CAMTA2: variants seen among roughly 807,000 people sequenced by gnomAD.
The protein encoded by CAMTA2 is calmodulin binding transcription activator 2.
In CAMTA2, 56 loss-of-function variants were observed where a neutral mutation model predicts 135.7. The observed-to-expected ratio is 0.41, with a 90% CI of 0.33 to 0.52. The LOEUF (loss-of-function observed/expected upper bound fraction) is 0.52. CAMTA2 is among the 20% of genes least tolerant of loss of function. The probability of loss-of-function intolerance (pLI) is 0.16; values close to 1 mark genes in which losing one functional copy is unlikely to be tolerated. For synonymous variants in CAMTA2, 591 were observed against 604.6 expected (o/e 0.98, Z 0.33); for missense variants, 1,358 against 1,553.4 (o/e 0.87, Z 2.11).
At position 4,972,303 on chromosome 17, in the gene CAMTA2, G is replaced by A. The variant is rs1053449625; in HGVS notation, c.2737C>T (p.Leu913Phe). 2 of 1,613,834 alleles carry A rather than the reference G, an allele frequency of 1.2e-6. No homozygotes were observed. Among genetic ancestry groups the A allele is most frequent in the Non-Finnish European group, 1.7e-6 (2 of 1,179,940 alleles). Residue 913 changes from leucine (L) to phenylalanine (F), a missense_variant, in exon 16 of 23, where the codon CTC becomes TTC. Around this residue, in one of 4 missense-constraint regions of CAMTA2, gnomAD observed 1,077 missense variants for 1,127.5 expected, o/e 0.96. Transcript: ENST00000348066. ...SKGPLSSLPA[L>F]PPASDDGAAP... is the part of the protein sequence containing the mutation. ...GCCCCATCATCTGAAGCTGGTGGGA[G>A]GGCAGGAAGGGAGGAGAGGGGCCCC...
At chr17:4,981,955 C>G (rs1202552944) in intron 6 of CAMTA2, 124 bp from the exon 7 acceptor site, 2 of 1,282,508 alleles carry the variant, frequency 1.6e-6, no homozygotes, top group Non-Finnish European at 2.2e-6. Context: ...TCTCTCCATC[C>G]CCAAGCCCCT....
Position 4,977,158 on chromosome 17 carries a change from T to C in CAMTA2, c.1800A>G (p.Ala600=). 6.2e-7 allele frequency: 1 copy of C among 1,614,040 alleles called. No homozygotes were observed. The highest frequency in any genetic ancestry group is 8.5e-7 in the Non-Finnish European group (1 of 1,179,980). ...AAGCAGAAAGGGGCCCCTCCCGCCCTGCCACCTGCAAAGACACCAGCCCTA... is the reference window on the plus strand; with the variant it reads ...AAGCAGAAAGGGGCCCCTCCCGCCCCGCCACCTGCAAAGACACCAGCCCTA... The part of the protein sequence containing the change: ...HEVGLVSLQV[A]GREGPLSASV... Residue 600 remains alanine, a synonymous_variant, in exon 11 of 23, where the codon GCA becomes GCG. Coordinates refer to ENST00000348066, the MANE Select transcript of CAMTA2 (RefSeq NM_015099.4).
At chr17:4,982,210 T>C (rs759277022) in intron 5 of CAMTA2, 50 bp from the exon 6 acceptor site, 2 of 1,152,406 alleles carry the variant, frequency 1.7e-6, no homozygotes, top group Non-Finnish European at 1.3e-6. Flanking sequence ...GCTCCCCAAC[T>C]CTTCCTCTGT....
At chr17:4,972,181 C>T in intron 16 of CAMTA2, 51 bp downstream of exon 16, 1 of 1,487,958 alleles carries the variant, frequency 6.7e-7, no homozygotes, top group Non-Finnish European at 9.2e-7. Flanking sequence ...GTCGGCCTCA[C>T]CCTTCCTACT....
chr17:4,982,641 G>A, intron 5 of CAMTA2, 116 bp downstream of exon 5: 2 of 1,133,200 alleles, frequency 1.8e-6, no homozygotes, highest in Admixed American at 4.9e-5. Context: ...GAAGGGAAGA[G>A]TAACTGGGAG....
Position 4,969,650 on chromosome 17 carries a change from A to C in CAMTA2, c.3241T>G (p.Cys1081Gly). 1.2e-6 allele frequency: 2 copies of C among 1,614,120 alleles called. No individual in the cohort carries two copies. The highest frequency in any genetic ancestry group is 1.7e-6 in the Non-Finnish European group (2 of 1,180,026). The change falls in exon 19 of 23, where the codon TGT becomes GGT. Residue 1081 changes from cysteine to glycine, a missense_variant. By Grantham distance (159) the Cys-to-Gly change is radical. This residue lies in a region of CAMTA2 where 167 missense variants were observed against 207.0 expected (regional missense o/e 0.81). Coordinates refer to ENST00000348066, the MANE Select transcript of CAMTA2 (RefSeq NM_015099.4). This position sits in a 1 kb window ranked among gnomAD's most constrained non-coding sequence, Gnocchi z 5.6. The part of the protein sequence containing the change: ...QEVAAAVIQR[C>G]YRKYKQLTWI... The stretch of plus-strand genomic sequence containing the variant: ...CTCACCTGCTTGTACTTCCGGTAAC[A>C]GCGCTGGATTACAGCTGCTGCTACC...
chr17:4,983,267 A>T (rs1301432729), intron 3 of CAMTA2: 1 of 508,180 alleles, frequency 2.0e-6, no homozygotes, highest in Admixed American at 3.4e-5. Flanking sequence ...ACTCTCCAAA[A>T]ATCTCATTCC....
At chr17:4,977,573 C>T (rs746223733) in intron 10 of CAMTA2, among the ~76,000 whole-genome samples, 6 of 152,328 alleles carry the variant, frequency 3.9e-5, no homozygotes, top group African/African-American at 1.2e-4. Context: ...GGGAGCTAGC[C>T]GCTCATGAAC....
chr17:4,970,513 C>T lies in CAMTA2; in HGVS notation c.2832G>A (p.Lys944=). 5 of 1,612,030 alleles carry T rather than the reference C, an allele frequency of 3.1e-6. No individual in the cohort carries two copies. The highest frequency in any genetic ancestry group is 4.2e-6 in the Non-Finnish European group (5 of 1,179,988). The change falls in exon 17 of 23, where the codon AAG becomes AAA. Residue 944 remains lysine, a synonymous_variant. Transcript: ENST00000348066. ...GCTCCGGTGTGGCTTCGATGATCTGCTTGGCTAGTGAGATCATGTCCACCT... is the reference window on the plus strand; with the variant it reads ...GCTCCGGTGTGGCTTCGATGATCTGTTTGGCTAGTGAGATCATGTCCACCT... ...VIPVDMISLA[K]QIIEATPERI...
At chr17:4,987,147 C>T (rs1973396428) in intron 1 of CAMTA2, 18 of 1,351,776 alleles carry the variant, frequency 1.3e-5, no homozygotes, top group Non-Finnish European at 1.7e-5. Context: ...GTGCGCAGTC[C>T]TGGCTAGGCA....
At chr17:4,986,520 TGGGGGAGC>T (rs1458984757) in intron 1 of CAMTA2, 1 of 527,744 alleles carries the variant, frequency 1.9e-6, no homozygotes, top group East Asian at 3.4e-5. Context: ...TGGGTTGGGG[TGGGGGAGC>T]GGGGAGAAGA....
At chr17:4,972,580 C>T (rs775871601) in intron 15 of CAMTA2, 44 bp from the exon 16 acceptor site, 39 of 1,575,138 alleles carry the variant, frequency 2.5e-5, no homozygotes, top group Non-Finnish European at 3.3e-5. Context: ...GAGCCACGGC[C>T]ATCCCTCGCT....
At position 4,969,368 on chromosome 17, in the gene CAMTA2, G is replaced by A. The variant is rs1314428396; in HGVS notation, c.3283-31C>T. ...GGGGTGGGGAGGAGGGACAGGGGCT[G>A]AAATAGAGGGACGGAGACCCAAAGC... is the stretch of plus-strand genomic sequence containing the variant. On this transcript the variant is annotated intron_variant, in intron 20 of 22. Coordinates refer to ENST00000348066, the MANE Select transcript of CAMTA2 (RefSeq NM_015099.4). The surrounding 1 kb of genome is among the most constrained non-coding windows in gnomAD (Gnocchi z 5.6). 5.6e-6 allele frequency: 9 copies of A among 1,611,928 alleles called. No individual in the cohort carries two copies. The highest frequency in any genetic ancestry group is 7.6e-6 in the Non-Finnish European group (9 of 1,178,080).
chr17:4,987,526 G>T, intron 1 of CAMTA2, 67 bp downstream of exon 1: 1 of 1,442,936 alleles, frequency 6.9e-7, no homozygotes, highest in Non-Finnish European at 9.1e-7. Flanking sequence ...GCTCCGCGTC[G>T]GGACCTGGAG....
chr17:4,970,641 A>T, intron 16 of CAMTA2, 105 bp from the exon 17 acceptor site: 3 of 941,860 alleles, frequency 3.2e-6, no homozygotes, highest in Non-Finnish European at 4.9e-6. Flanking sequence ...GGTGCTGCTA[A>T]CCCTGTCTTT....
chr17:4,975,759 C>G (rs909546555), intron 11 of CAMTA2, among the ~76,000 whole-genome samples: 1 of 152,090 alleles, frequency 6.6e-6, no homozygotes, highest in Non-Finnish European at 1.5e-5. Flanking sequence ...AGCCAAGAGG[C>G]AACAACAAAG....
In CAMTA2 at chr17:4,968,723, G is replaced by C. The variant is rs565170102; in HGVS notation, c.*33C>G. The C allele has an allele frequency of 1.2e-6, 2 of 1,613,048 alleles. No homozygotes were observed. Among genetic ancestry groups the C allele is most frequent in the Admixed American group, 1.7e-5 (1 of 60,010 alleles). ...TCTCCCTGTTAAGACTGCACGAGGCGCCCCCAGGGTGGTGAGAAAGGCGGT... is the reference window on the plus strand; with the variant it reads ...TCTCCCTGTTAAGACTGCACGAGGCCCCCCCAGGGTGGTGAGAAAGGCGGT... On this transcript the variant is annotated 3_prime_UTR_variant, in exon 23 of 23. Transcript: ENST00000348066.
chr17:4,985,255 G>A (rs1389900875), intron 3 of CAMTA2, among the ~76,000 whole-genome samples: 1 of 152,260 alleles, frequency 6.6e-6, no homozygotes, highest in African/African-American at 2.4e-5. Context: ...AATAACATAG[G>A]AGCAATAACA....
chr17:4,984,323 T>C (rs1470809299), intron 3 of CAMTA2, among the ~76,000 whole-genome samples: 1 of 152,200 alleles, frequency 6.6e-6, no homozygotes, highest in Non-Finnish European at 1.5e-5. Flanking sequence ...TTCCCACTAT[T>C]TACCCATATT....
Sources: gnomAD v4.1 joint callset for allele counts (sites outside exome capture counted in the v4.1 genomes callset) on GRCh38, gnomAD v4.1.1 for gene constraint, gnomAD v4.1.1 regional missense constraint, Gnocchi (gnomAD v3.1) non-coding constraint, MANE v1.5 for transcripts, NCBI Gene and HGNC (gene_info 2026-07-23, HGNC 2026-07-21) for gene names.